FAM177A1: variants seen among roughly 807,000 people sequenced by gnomAD.
FAM177A1 encodes the protein family with sequence similarity 177 member A1.
In FAM177A1, 22 loss-of-function variants were observed where a neutral mutation model predicts 26.1. The ratio of observed to expected loss-of-function variants is 0.84; its 90% CI spans 0.60 to 1.20. FAM177A1 has a LOEUF of 1.20. Among genes scored for constraint, FAM177A1 ranks in the 50% most tolerant of loss-of-function variants. The pLI is 0.00. For missense variants in FAM177A1, 296 were observed against 291.1 expected (o/e 1.02, Z -0.12); for synonymous variants, 95 against 99.3 (o/e 0.96, Z 0.26).
intron 2 of FAM177A1, among the ~76,000 whole-genome samples, chr14:35,074,091 G>C (rs1255140909): frequency 6.6e-6 from 1 of 152,096 alleles, no homozygotes; most frequent in Non-Finnish European, 1.5e-5. Context: ...TACTTTATTA[G>C]GGTTCTCCAG....
chr14:35,048,212 A>C (rs187686911), intron 1 of FAM177A1, among the ~76,000 whole-genome samples: 1 of 152,080 alleles, frequency 6.6e-6, no homozygotes, highest in Non-Finnish European at 1.5e-5. Context: ...ATGGTGCTTG[A>C]TATGTTTTTC....
intron 1 of FAM177A1, among the ~76,000 whole-genome samples, chr14:35,047,895 A>G (rs1230153169): frequency 6.6e-6 from 1 of 152,164 alleles, no homozygotes; most frequent in Non-Finnish European, 1.5e-5. Context: ...TTAGTAAGAC[A>G]TTTCCCCCAA....
At position 35,078,979 on chromosome 14, in the gene FAM177A1, A is replaced by G. The variant is rs1298980731; in HGVS notation, c.459A>G (p.Pro153=). 1.9e-6 allele frequency: 3 copies of G among 1,557,348 alleles called. No homozygotes were observed. The highest frequency in any genetic ancestry group is 2.8e-5 in the African/African-American group (2 of 70,854). The part of the protein sequence containing the change: ...KIASVLGIST[P]KYQYAIDEYY... ...CATCTGTTTTGGGTATCAGCACCCCAAAGTACCAATATGCCATTGATGAAT... is the reference window on the plus strand; with the variant it reads ...CATCTGTTTTGGGTATCAGCACCCCGAAGTACCAATATGCCATTGATGAAT... The change falls in exon 4 of 5, where the codon CCA becomes CCG. Residue 153 remains proline (P), a synonymous_variant. Coordinates refer to ENST00000280987, the MANE Select transcript of FAM177A1 (RefSeq NM_173607.5).
At chr14:35,061,852 G>A (rs2045164155) in intron 2 of FAM177A1, among the ~76,000 whole-genome samples, 1 of 151,944 alleles carries the variant, frequency 6.6e-6, no homozygotes, top group South Asian at 2.1e-4. Context: ...GGGTAAAGGC[G>A]ATCAGGGCCC....
At chr14:35,048,574 TTATTAAA>T (rs2044912667) in intron 1 of FAM177A1, among the ~76,000 whole-genome samples, 1 of 148,932 alleles carries the variant, frequency 6.7e-6, no homozygotes. Context: ...ATTATATATA[TTATTAAA>T]TATTAAATAT....
chr14:35,052,262 C>T (rs943344805), intron 1 of FAM177A1, among the ~76,000 whole-genome samples: 5 of 149,586 alleles, frequency 3.3e-5, no homozygotes, highest in East Asian at 1.9e-4. Context: ...TTTTTTTTTC[C>T]GAGATGGAGT....
chr14:35,053,581 G>T, intron 2 of FAM177A1, 130 bp downstream of exon 2: 1 of 795,072 alleles, frequency 1.3e-6, no homozygotes. Flanking sequence ...ATTATGTATG[G>T]TGATTTTGAT....
At chr14:35,048,891 C>CTT (rs71435848) in intron 1 of FAM177A1, among the ~76,000 whole-genome samples, 12 of 138,990 alleles carry the variant, frequency 8.6e-5, no homozygotes, top group South Asian at 6.9e-4. Context: ...TTGTGACATT[C>CTT]TTTTTTTTTT....
upstream of FAM177A1, among the ~76,000 whole-genome samples, chr14:35,045,371 TA>T (rs1405405485): frequency 1.8e-4 from 28 of 152,174 alleles, no homozygotes; most frequent in Non-Finnish European, 1.8e-4. Flanking sequence ...AAGTGTACAA[TA>T]ACATTAGGCA....
In FAM177A1 at chr14:35,046,318, G is replaced by C; in HGVS notation, c.-146G>C. ...CGGGGTGCGGAGCCCGGCGGGCTAG[G>C]CGAGGCGCGGGCTGGCCCCGCCCCT... On this transcript the variant is annotated 5_prime_UTR_variant, in exon 1 of 5. Coordinates refer to ENST00000280987, the MANE Select transcript of FAM177A1 (RefSeq NM_173607.5). 2.0e-6 allele frequency: 2 copies of C among 986,976 alleles called. No homozygotes were observed. The highest frequency in any genetic ancestry group is 2.8e-6 in the Non-Finnish European group (2 of 721,608). The allele number at this position is 986,976 out of a possible 1,614,324, so 61.1% of individuals were successfully genotyped here. A position where few individuals can be genotyped will look rare whatever the true frequency, so the allele number is the denominator to read the frequency against.
At position 35,053,235 on chromosome 14, in the gene FAM177A1, A is replaced by G. The variant is rs766681146; in HGVS notation, c.166-43A>G. ...TTTTCACGTGTAATGAAAGAAAATT[A>G]ATCTCACTTGAAACTCATTTTCTTA... On this transcript the variant is annotated intron_variant, in intron 1 of 4. Coordinates refer to ENST00000280987, the MANE Select transcript of FAM177A1 (RefSeq NM_173607.5). 1.9e-6 allele frequency: 3 copies of G among 1,539,842 alleles called. No homozygotes were observed. In the South Asian group the frequency reaches 3.6e-5, roughly 18 times the overall value.
chr14:35,067,723 A>G (rs895014343), intron 2 of FAM177A1, among the ~76,000 whole-genome samples: 1 of 152,146 alleles, frequency 6.6e-6, no homozygotes, highest in Non-Finnish European at 1.5e-5. Context: ...ATCCATTTTG[A>G]CAGGTATGTG....
chr14:35,052,437 C>G (rs551587147), intron 1 of FAM177A1, among the ~76,000 whole-genome samples: 1 of 152,014 alleles, frequency 6.6e-6, no homozygotes, highest in Middle Eastern at 3.4e-3. Context: ...TCTCGATCTC[C>G]TGACCTTGTG....
intron 2 of FAM177A1, 122 bp from the exon 3 acceptor site, chr14:35,077,028 T>C (rs2045406802): frequency 1.4e-6 from 1 of 739,424 alleles, no homozygotes; most frequent in African/African-American, 1.8e-5. Context: ...GATTGCAGTC[T>C]CTTTGTAGTA....
At chr14:35,047,524 G>T (rs1376425333) in intron 1 of FAM177A1, among the ~76,000 whole-genome samples, 1 of 152,150 alleles carries the variant, frequency 6.6e-6, no homozygotes, top group Admixed American at 6.6e-5. Flanking sequence ...CAAGGCGGGT[G>T]GATCACCTGA....
intron 2 of FAM177A1, among the ~76,000 whole-genome samples, chr14:35,055,544 G>T (rs1013967410): frequency 6.7e-6 from 1 of 150,062 alleles, no homozygotes; most frequent in African/African-American, 2.5e-5. Context: ...AGCGATTCTC[G>T]TGCCTCAGCC....
chr14:35,047,222 T>C (rs977083099), intron 1 of FAM177A1: 1 of 156,958 alleles, frequency 6.4e-6, no homozygotes, highest in African/African-American at 2.4e-5. Context: ...GTGAAACCGA[T>C]ATTAATTTTA....
intron 3 of FAM177A1, among the ~76,000 whole-genome samples, chr14:35,078,008 T>C (rs2045424100): frequency 1.3e-5 from 2 of 152,352 alleles, no homozygotes; most frequent in South Asian, 4.1e-4. Context: ...ATTTAAAATA[T>C]AGGTTTTAAA....
chr14:35,062,187 G>A (rs2045169792), intron 2 of FAM177A1, among the ~76,000 whole-genome samples: 1 of 152,202 alleles, frequency 6.6e-6, no homozygotes, highest in South Asian at 2.1e-4. Context: ...AGATTTTCTT[G>A]AATAGATGTT....
Sources: allele counts gnomAD v4.1 joint callset (sites outside exome capture counted in the v4.1 genomes callset), GRCh38; gene constraint gnomAD v4.1.1; transcripts MANE v1.5; gene names NCBI Gene and HGNC (gene_info 2026-07-23, HGNC 2026-07-21).